The following IFNAR2 variants were observed in gnomAD, a reference collection of about 807,000 sequenced individuals.
IFNAR2 encodes interferon alpha/beta receptor 2.
In IFNAR2, 30 loss-of-function variants were observed where a neutral mutation model predicts 49.4. The observed-to-expected ratio is 0.61, with a 90% CI of 0.45 to 0.82. IFNAR2 has a LOEUF of 0.82. IFNAR2 is among the 40% of genes least tolerant of loss of function. The probability of loss-of-function intolerance (pLI) is 0.00; values close to 1 mark genes in which losing one functional copy is unlikely to be tolerated. For synonymous variants in IFNAR2, 224 were observed against 234.5 expected, an observed-to-expected ratio of 0.96 and a Z score of 0.41; for missense variants, 600 against 622.7, an observed-to-expected ratio of 0.96 and a Z score of 0.39.
In IFNAR2 at chr21:33,248,397, GGAGA is replaced by G. The variant is rs1207127696; in HGVS notation, c.395-299_395-296del. ...AGTTAGGGGGGAGGGAGGGAGGGGG[GGAGA>G]GAGAGAGAGAGAAAGAGAAAAGAAA... On this transcript the variant is annotated intron_variant, in intron 5 of 8. Transcript: ENST00000342136. Among the ~76,000 whole-genome samples the G allele has an allele frequency of 1.6e-4, 15 of 92,560 alleles. No individual in the cohort carries two copies. The East Asian group carries it at 4.0e-3, about 25-fold the overall frequency. The allele number at this position is 92,560 out of a possible 152,430, so 60.7% of individuals were successfully genotyped here.
chr21:33,235,857 C>T (rs1181402460), intron 1 of IFNAR2, among the ~76,000 whole-genome samples: 6 of 152,130 alleles, frequency 3.9e-5, no homozygotes, highest in African/African-American at 7.2e-5. Context: ...ACTCGGAAGG[C>T]GGAGCTTGCA....
rs564686022 is a variant in IFNAR2 at position 33,264,434 on chromosome 21, A to T, written c.*934A>T. On this transcript the variant is annotated 3_prime_UTR_variant, in exon 9 of 9. Coordinates refer to ENST00000342136, the MANE Select transcript of IFNAR2 (RefSeq NM_001289125.3). ...AGTTAAAGTGGGGAAGACAGACTTT[A>T]GGATCACGTGTGTGACTAATACAGA... The T allele has an allele frequency of 3.8e-4, 58 of 152,150 alleles. No homozygotes were observed. The highest frequency in any genetic ancestry group is 1.3e-3 in the African/African-American group (54 of 41,500). 9.4% of individuals were successfully genotyped at this position (152,150 alleles called of 1,614,324 possible).
chr21:33,254,484 C>G (rs942435815), intron 7 of IFNAR2, among the ~76,000 whole-genome samples: 1 of 152,192 alleles, frequency 6.6e-6, no homozygotes, highest in African/African-American at 2.4e-5. Context: ...GAACCCCCTT[C>G]CCAGTCCAGG....
chr21:33,240,082 G>C (rs143804521), intron 1 of IFNAR2, among the ~76,000 whole-genome samples: 10 of 150,940 alleles, frequency 6.6e-5, no homozygotes, highest in African/African-American at 2.4e-4. Context: ...GTGGTCACAG[G>C]CCTCAATGTT....
At chr21:33,252,168 T>C (rs1449277503) in intron 6 of IFNAR2, 3 of 470,782 alleles carry the variant, frequency 6.4e-6, no homozygotes, top group South Asian at 4.7e-5. Flanking sequence ...CATCAGTCAG[T>C]TTTGTCACAG....
At chr21:33,253,312 G>A (rs1048574984) in intron 7 of IFNAR2, among the ~76,000 whole-genome samples, 2 of 152,186 alleles carry the variant, frequency 1.3e-5, no homozygotes, top group Non-Finnish European at 2.9e-5. Context: ...CACTGATGAA[G>A]GCTGAACACC....
rs144671590 is a variant in IFNAR2 at position 33,262,954 on chromosome 21, C to T, written c.1002C>T (p.Gly334=). Reference sequence around the variant, plus strand: ...CTGAGGCAGCGCCCAGGACAAGTGGCGGTGGCTATACCATGCATGGACTGA... The same window carrying T: ...CTGAGGCAGCGCCCAGGACAAGTGGTGGTGGCTATACCATGCATGGACTGA... ...SDTEAAPRTS[G]GGYTMHGLTV... Residue 334 remains glycine (G), a synonymous_variant, in exon 9 of 9, where the codon GGC becomes GGT. Coordinates refer to ENST00000342136, the MANE Select transcript of IFNAR2 (RefSeq NM_001289125.3). 7.4e-6 allele frequency: 12 copies of T among 1,613,978 alleles called. No individual in the cohort carries two copies. Among genetic ancestry groups the T allele is most frequent in the Admixed American group, 1.7e-5 (1 of 59,998 alleles).
chr21:33,244,932 T>C lies in IFNAR2; in HGVS notation c.98-19T>C. ...CTGTGGGTTCCAAATTTCAATGCCC[T>C]TTTTCTTCTTCTCTTTAGATTACAC... On this transcript the variant is annotated intron_variant, in intron 3 of 8. Coordinates refer to ENST00000342136, the MANE Select transcript of IFNAR2 (RefSeq NM_001289125.3). The C allele has an allele frequency of 1.2e-6, 2 of 1,611,086 alleles. No homozygotes were observed. The highest frequency in any genetic ancestry group is 1.7e-6 in the Non-Finnish European group (2 of 1,177,932).
chr21:33,260,249 G>T (rs931885505), intron 7 of IFNAR2, among the ~76,000 whole-genome samples: 3 of 152,260 alleles, frequency 2.0e-5, no homozygotes, highest in Middle Eastern at 3.4e-3. Flanking sequence ...TGTGGCTACC[G>T]AACGTTTGAG....
intron 8 of IFNAR2, among the ~76,000 whole-genome samples, chr21:33,261,261 T>C (rs961938579): frequency 6.6e-6 from 1 of 152,146 alleles, no homozygotes; most frequent in Non-Finnish European, 1.5e-5. Flanking sequence ...GGTCTTGAAC[T>C]CCTGACTTCA....
At chr21:33,244,219 G>A (rs1987216311) in intron 3 of IFNAR2, among the ~76,000 whole-genome samples, 1 of 152,172 alleles carries the variant, frequency 6.6e-6, no homozygotes, top group Non-Finnish European at 1.5e-5. Flanking sequence ...AAAGGCCTGA[G>A]TCCTAACCAC....
chr21:33,252,569 C>T (rs1987929868), intron 6 of IFNAR2, 93 bp from the exon 7 acceptor site: 1 of 1,494,576 alleles, frequency 6.7e-7, no homozygotes, highest in Non-Finnish European at 8.9e-7. Context: ...AAATCTAACC[C>T]TGTTTGAGAT....
chr21:33,254,350 C>T (rs1344586926), intron 7 of IFNAR2, among the ~76,000 whole-genome samples: 1 of 152,144 alleles, frequency 6.6e-6, no homozygotes, highest in Non-Finnish European at 1.5e-5. Context: ...GCACTAATAC[C>T]AGCATGATGG....
At chr21:33,258,751 A>G (rs1453296969) in intron 7 of IFNAR2, among the ~76,000 whole-genome samples, 1 of 152,176 alleles carries the variant, frequency 6.6e-6, no homozygotes, top group African/African-American at 2.4e-5. Context: ...ACAAGGGAAG[A>G]ATAGTAACAG....
intron 2 of IFNAR2, among the ~76,000 whole-genome samples, chr21:33,243,103 A>G (rs1163098999): frequency 7.0e-6 from 1 of 143,006 alleles, no homozygotes; most frequent in African/African-American, 2.6e-5. Context: ...TTTTTTTTTT[A>G]GACAGAGTCT....
chr21:33,235,447 G>A (rs983107076), intron 1 of IFNAR2, among the ~76,000 whole-genome samples: 2 of 152,120 alleles, frequency 1.3e-5, no homozygotes. Flanking sequence ...TAAGGAGCTT[G>A]GTGCATTGTC....
At chr21:33,255,857 A>G (rs1272299287) in intron 7 of IFNAR2, among the ~76,000 whole-genome samples, 1 of 152,142 alleles carries the variant, frequency 6.6e-6, no homozygotes, top group African/African-American at 2.4e-5. Flanking sequence ...ACCCTGCCCC[A>G]TCACCTCACA....
chr21:33,244,832 C>G, intron 3 of IFNAR2, 119 bp from the exon 4 acceptor site: 1 of 866,588 alleles, frequency 1.2e-6, no homozygotes, highest in Non-Finnish European at 1.9e-6. Context: ...GACACCAGGG[C>G]TCTCTGGAGA....
rs375640331 is a variant in IFNAR2, at chr21:33,242,758, CGTGTGTGTGTGTGTGTGT to C, written c.55+810_55+827del. Among the ~76,000 whole-genome samples the C allele has an allele frequency of 7.7e-3, 592 of 76,572 alleles. 118 individuals are homozygous for C. Among genetic ancestry groups the C allele is most frequent in the African/African-American group, 0.029 (558 of 19,396 alleles). 50.2% of individuals were successfully genotyped at this position (76,572 alleles called of 152,430 possible). On this transcript the variant is annotated intron_variant, in intron 2 of 8. Coordinates refer to ENST00000342136, the MANE Select transcript of IFNAR2 (RefSeq NM_001289125.3). The stretch of plus-strand genomic sequence containing the variant: ...AAAAAAAAAAAAAAAATCTCGTGTG[CGTGTGTGTGTGTGTGTGT>C]GTGTGTGTGTGTGTGTGTGTGTGTG...
Sources: gnomAD v4.1 joint callset for allele counts (sites outside exome capture counted in the v4.1 genomes callset) on GRCh38, gnomAD v4.1.1 for gene constraint, MANE v1.5 for transcripts, NCBI Gene and HGNC (gene_info 2026-07-23, HGNC 2026-07-21) for gene names.